RPAP3: variants seen among roughly 807,000 people sequenced by gnomAD.
RPAP3 encodes the protein RNA polymerase II associated protein 3.
In RPAP3, 58 loss-of-function variants were observed where a neutral mutation model predicts 88.8. The ratio of observed to expected loss-of-function variants is 0.65; its 90% confidence interval spans 0.53 to 0.81. The LOEUF (loss-of-function observed/expected upper bound fraction) is 0.81. RPAP3 is among the 40% of genes least tolerant of loss of function. RPAP3 has a pLI of 0.00. For missense variants in RPAP3, 751 were observed against 764.3 expected (o/e 0.98, Z 0.20); for synonymous variants, 255 against 259.9 (o/e 0.98, Z 0.18).
rs1939229553 is a variant in RPAP3 at position 47,681,822 on chromosome 12, T to C, written c.993-5A>G. 1 of 1,571,226 alleles carries C rather than the reference T, an allele frequency of 6.4e-7. No homozygotes were observed. The highest frequency in any genetic ancestry group is 8.6e-7 in the Non-Finnish European group (1 of 1,165,366). ...TCTTTTTCAGCTTCTTCATATCTATTGAACATGATAAAATTACTGACTGGA... is the reference window on the plus strand; with the variant it reads ...TCTTTTTCAGCTTCTTCATATCTATCGAACATGATAAAATTACTGACTGGA... On this transcript the variant is annotated splice_region_variant and splice_polypyrimidine_tract_variant and intron_variant, in intron 9 of 16. Transcript: ENST00000005386.
chr12:47,681,166 C>T (rs1939215822), intron 10 of RPAP3, among the ~76,000 whole-genome samples: 1 of 152,118 alleles, frequency 6.6e-6, no homozygotes. Context: ...CCTTTCCTTC[C>T]ACTAATTACC....
intron 12 of RPAP3, among the ~76,000 whole-genome samples, chr12:47,675,586 G>A (rs986351703): frequency 6.6e-6 from 1 of 152,088 alleles, no homozygotes; most frequent in African/African-American, 2.4e-5. Context: ...AAAAGCAGGG[G>A]TTGCAATCCC....
intron 3 of RPAP3, among the ~76,000 whole-genome samples, chr12:47,697,988 C>T (rs182039596): frequency 3.3e-5 from 5 of 152,198 alleles, no homozygotes; most frequent in East Asian, 3.9e-4. Flanking sequence ...CCCTAAATCA[C>T]GAACTATTAG....
At position 47,661,661 on chromosome 12, in the gene RPAP3, CTTCAG is replaced by C. The variant is rs1220543243; in HGVS notation, c.*1839_*1843del. The C allele has an allele frequency of 6.6e-6, 1 of 152,166 alleles. No homozygotes were observed. Among genetic ancestry groups the C allele is most frequent in the Non-Finnish European group, 1.5e-5 (1 of 68,028 alleles). 9.4% of individuals were successfully genotyped at this position (152,166 alleles called of 1,614,324 possible). A position where few individuals can be genotyped will look rare whatever the true frequency, so the allele number is the denominator to read the frequency against. On this transcript the variant is annotated 3_prime_UTR_variant, in exon 17 of 17. Coordinates refer to ENST00000005386, the MANE Select transcript of RPAP3 (RefSeq NM_024604.3). ...ATAGTAAATCTTGTGATCTGTACTT[CTTCAG>C]TTAACAGTCTCTACACAGGTAACAC...
chr12:47,704,662 G>A (rs1939740588), intron 1 of RPAP3, among the ~76,000 whole-genome samples: 2 of 151,768 alleles, frequency 1.3e-5, no homozygotes, highest in South Asian at 2.1e-4. Flanking sequence ...ATAGGCATGA[G>A]CCACCGCGCC....
At chr12:47,677,607 CAG>C (rs1163350124) in intron 12 of RPAP3, among the ~76,000 whole-genome samples, 1 of 151,904 alleles carries the variant, frequency 6.6e-6, no homozygotes, top group Non-Finnish European at 1.5e-5. Context: ...AACAGACAAG[CAG>C]AGAGACAAAT....
chr12:47,663,541 A>G lies in RPAP3; in HGVS notation c.1962T>C (p.Ser654=). The change falls in exon 17 of 17, where the codon AGT becomes AGC. Residue 654 remains serine, a synonymous_variant. Coordinates refer to ENST00000005386, the MANE Select transcript of RPAP3 (RefSeq NM_024604.3). ...NHIDKSGLKD[S]SVEELKKRYG... ...ATCTTTTCTTGAGTTCTTCGACAGA[A>G]CTATCCTTCAATCCTGACTTGTCTA... 6.3e-7 allele frequency: 1 copy of G among 1,592,980 alleles called. No homozygotes were observed. Among genetic ancestry groups the G allele is most frequent in the South Asian group, 1.1e-5 (1 of 87,014 alleles).
chr12:47,701,690 T>C lies in RPAP3; in HGVS notation c.154-86A>G, dbSNP rs1315341596. The C allele has an allele frequency of 1.3e-5, 14 of 1,073,660 alleles. No individual in the cohort carries two copies. The South Asian group carries it at 3.9e-4, about 30-fold the overall frequency. The allele number at this position is 1,073,660 out of a possible 1,614,324, so 66.5% of individuals were successfully genotyped here. ...CTAGCTATGTTTAAAATTCTCACTA[T>C]ATTTTCTTCTAAGAATTTTTTAATT... On this transcript the variant is annotated intron_variant, in intron 2 of 16. Transcript: ENST00000005386.
rs1430615762 is a variant in RPAP3, at chr12:47,673,279, C to T, written c.1288-2934G>A. Among the ~76,000 whole-genome samples, 3 of 151,586 alleles carry T rather than the reference C, an allele frequency of 2.0e-5. No homozygotes were observed. The East Asian group carries it at 5.8e-4, about 29-fold the overall frequency. ...CCAACATGGTGAAACCCTGTCTCTA[C>T]TAAAAATACAAAAATTAGCCAGGCA... On this transcript the variant is annotated intron_variant, in intron 12 of 16. Coordinates refer to ENST00000005386, the MANE Select transcript of RPAP3 (RefSeq NM_024604.3).
intron 12 of RPAP3, among the ~76,000 whole-genome samples, chr12:47,672,878 T>C (rs1027397464): frequency 6.6e-6 from 1 of 152,208 alleles, no homozygotes. Context: ...AAGCTACTTA[T>C]GGTATATTAG....
chr12:47,665,501 A>G (rs11168194), intron 16 of RPAP3, among the ~76,000 whole-genome samples: 3,102 of 151,730 alleles, frequency 0.02, 72 homozygotes, highest in East Asian at 0.14. Flanking sequence ...ATGAGGTCAA[A>G]ACAGTAATAA....
Position 47,687,912 on chromosome 12 carries a change from T to C in RPAP3, c.828A>G (p.Gln276=), listed in dbSNP as rs776641039. The change falls in exon 8 of 17, where the codon CAA becomes CAG. Residue 276 remains glutamine, a synonymous_variant. Transcript: ENST00000005386. ...TEGERKQIEA[Q]QNKQQAISEK... ...CTGAAATGGCCTGCTGCTTATTCTG[T>C]TGTGCTTCAATTTGCTTTCGCTCTC... The C allele has an allele frequency of 5.0e-6, 8 of 1,613,574 alleles. No homozygotes were observed. Among genetic ancestry groups the C allele is most frequent in the Middle Eastern group, 1.6e-4 (1 of 6,078 alleles).
intron 10 of RPAP3, 118 bp downstream of exon 10, chr12:47,681,578 G>A: frequency 1.5e-5 from 16 of 1,038,404 alleles, no homozygotes; most frequent in Non-Finnish European, 2.2e-5. Context: ...ACTGTGGAAA[G>A]AAAACATAAT....
At chr12:47,690,683 A>C (rs1424206109) in intron 5 of RPAP3, 44 bp from the exon 6 acceptor site, 1 of 1,327,618 alleles carries the variant, frequency 7.5e-7, no homozygotes, top group African/African-American at 1.5e-5. Flanking sequence ...AATAAAACTA[A>C]TTTACTAAAC....
At chr12:47,699,371 A>G (rs1939605904) in intron 3 of RPAP3, 1 of 152,218 alleles carries the variant, frequency 6.6e-6, no homozygotes, top group Non-Finnish European at 1.5e-5. Flanking sequence ...AAAAAGTCAC[A>G]CACACAAAAA....
intron 6 of RPAP3, 61 bp from the exon 7 acceptor site, chr12:47,689,256 A>C: frequency 1.5e-6 from 1 of 686,306 alleles, no homozygotes; most frequent in East Asian, 2.9e-5. Context: ...AAACATGTAC[A>C]AAACAATCTT....
rs939072530 is a variant in RPAP3 at position 47,683,306 on chromosome 12, G to A, written c.993-1489C>T. Among the ~76,000 whole-genome samples the A allele has an allele frequency of 2.0e-5, 3 of 151,856 alleles. No homozygotes were observed. The South Asian group carries it at 6.2e-4, about 32-fold the overall frequency. On this transcript the variant is annotated intron_variant, in intron 9 of 16. Transcript: ENST00000005386. ...TTTTCTGTCACTCCCTGCAAATTTC[G>A]GGTTTCTTAAAAACAACTATACATT...
rs1170022329 is a variant in RPAP3 at position 47,662,653 on chromosome 12, T to A, written c.*852A>T. ...TTTAAACATTTACTTAATATGATTC[T>A]TGCGTCAAATTCAATTAAATTTTAT... On this transcript the variant is annotated 3_prime_UTR_variant, in exon 17 of 17. Coordinates refer to ENST00000005386, the MANE Select transcript of RPAP3 (RefSeq NM_024604.3). The A allele has an allele frequency of 6.6e-6, 1 of 152,212 alleles. No individual in the cohort carries two copies. Among genetic ancestry groups the A allele is most frequent in the Non-Finnish European group, 1.5e-5 (1 of 68,028 alleles). 9.4% of individuals were successfully genotyped at this position (152,212 alleles called of 1,614,324 possible). A position where few individuals can be genotyped will look rare whatever the true frequency, so the allele number is the denominator to read the frequency against.
At position 47,661,572 on chromosome 12, in the gene RPAP3, T is replaced by C. The variant is rs1404396702; in HGVS notation, c.*1933A>G. 1.3e-5 allele frequency: 2 copies of C among 152,218 alleles called. No homozygotes were observed. The highest frequency in any genetic ancestry group is 2.4e-5 in the African/African-American group (1 of 41,460). 9.4% of individuals were successfully genotyped at this position (152,218 alleles called of 1,614,324 possible). ...TCCAGAGCCTCTGGTCTTAAATCAC[T>C]ACATGAAAATGTCTCTGGGGAGAAA... On this transcript the variant is annotated 3_prime_UTR_variant, in exon 17 of 17. Transcript: ENST00000005386.
Sources: allele counts gnomAD v4.1 joint callset (sites outside exome capture counted in the v4.1 genomes callset), GRCh38; gene constraint gnomAD v4.1.1; transcripts MANE v1.5; gene names NCBI Gene and HGNC (gene_info 2026-07-23, HGNC 2026-07-21).